FAM174B: variants seen among roughly 807,000 people sequenced by gnomAD.
FAM174B encodes the protein membrane protein FAM174B.
FAM174B carries 12 observed loss-of-function variants against 10.9 expected under a neutral mutation model. The ratio of observed to expected loss-of-function variants is 1.10; its 90% confidence interval spans 0.71 to 1.79. FAM174B has a LOEUF of 1.79. Ranked by LOEUF, FAM174B falls within the 40% of genes most tolerant of loss-of-function variation. FAM174B has a pLI of 0.00. For missense variants in FAM174B, 266 were observed against 233.3 expected, an observed-to-expected ratio of 1.14 and a Z score of -0.91; for synonymous variants, 132 against 115.8, an observed-to-expected ratio of 1.14 and a Z score of -0.90.
In FAM174B at chr15:92,621,802, C is replaced by T. The variant is rs541594423; in HGVS notation, c.477-2343G>A. 2.6e-5 allele frequency among the ~76,000 whole-genome samples: 4 copies of T among 152,094 alleles called. No individual in the cohort carries two copies. In the South Asian group the frequency reaches 6.2e-4, roughly 24 times the overall value. On this transcript the variant is annotated intron_variant, in intron 2 of 2. Transcript: ENST00000327355. ...GAGCTAACCTCACAAACCAACATCTCGGAGCCCAAGCACTCACACCCCCCA... is the reference window on the plus strand; with the variant it reads ...GAGCTAACCTCACAAACCAACATCTTGGAGCCCAAGCACTCACACCCCCCA...
At chr15:92,619,537 T>G in intron 2 of FAM174B, 78 bp from the exon 3 acceptor site, 790 of 1,487,364 alleles carry the variant, frequency 5.3e-4, no homozygotes, top group Non-Finnish European at 6.7e-4. Context: ...TGAACATCTC[T>G]ATCCCTCACC....
chr15:92,642,465 G>GT (rs1330443113), intron 1 of FAM174B, among the ~76,000 whole-genome samples: 1 of 152,206 alleles, frequency 6.6e-6, no homozygotes, highest in African/African-American at 2.4e-5. Flanking sequence ...TTGAATTGTA[G>GT]TTCCCATAAT....
At chr15:92,627,266 G>A (rs1276563714) in intron 2 of FAM174B, 1 of 156,384 alleles carries the variant, frequency 6.4e-6, no homozygotes, top group Non-Finnish European at 1.5e-5. Context: ...GGACTTATCT[G>A]TTAACTTTAA....
chr15:92,655,155 C>G, intron 1 of FAM174B, 161 bp downstream of exon 1: 2 of 1,044,700 alleles, frequency 1.9e-6, no homozygotes, highest in Non-Finnish European at 2.5e-6. Flanking sequence ...CGAGCACACC[C>G]CGGCCCCCCA....
intron 1 of FAM174B, among the ~76,000 whole-genome samples, chr15:92,637,204 G>A (rs1312201486): frequency 1.3e-5 from 2 of 152,228 alleles, no homozygotes; most frequent in South Asian, 2.1e-4. Context: ...CGACCAACCC[G>A]AGCCAATGAC....
chr15:92,627,208 G>A (rs1055410586), intron 2 of FAM174B: 2 of 152,702 alleles, frequency 1.3e-5, no homozygotes, highest in South Asian at 2.1e-4. Context: ...TTTTGCCCTC[G>A]CAACACGCCA....
In FAM174B at chr15:92,655,600, G is replaced by A. The variant is rs888617492; in HGVS notation, c.60C>T (p.Ala20=). The change falls in exon 1 of 3, where the codon GCC becomes GCT. Residue 20 remains alanine (A), a synonymous_variant. Transcript: ENST00000327355. ...LLPLLLLALL[A]APAARASRAE... is the part of the protein sequence containing the mutation. ...CTCTGCTGGCGCGGGCGGCGGGAGC[G>A]GCCAGGAGCGCGAGCAGCAGCAGCG... 7.8e-7 allele frequency: 1 copy of A among 1,281,208 alleles called. No individual in the cohort carries two copies. Among genetic ancestry groups the A allele is most frequent in the South Asian group, 2.9e-5 (1 of 34,226 alleles). 79.4% of individuals were successfully genotyped at this position (1,281,208 alleles called of 1,614,324 possible).
intron 1 of FAM174B, among the ~76,000 whole-genome samples, chr15:92,648,869 TATA>T (rs2050946449): frequency 6.6e-6 from 1 of 152,212 alleles, no homozygotes; most frequent in African/African-American, 2.4e-5. Context: ...TTAGATTAAG[TATA>T]GTTTATTTTT....
intron 1 of FAM174B, among the ~76,000 whole-genome samples, chr15:92,652,451 C>T (rs370204485): frequency 1.3e-5 from 2 of 152,264 alleles, no homozygotes; most frequent in African/African-American, 4.8e-5. Flanking sequence ...AAGCAGGAGG[C>T]GCACTGAGCA....
At chr15:92,630,717 T>C (rs1235111103) in intron 1 of FAM174B, among the ~76,000 whole-genome samples, 2 of 123,546 alleles carry the variant, frequency 1.6e-5, no homozygotes, top group South Asian at 2.3e-4. Flanking sequence ...TAATTATATA[T>C]TTTTTATATT....
intron 1 of FAM174B, among the ~76,000 whole-genome samples, chr15:92,641,623 T>TA (rs982288045): frequency 3.9e-5 from 6 of 152,212 alleles, no homozygotes; most frequent in Admixed American, 1.3e-4. Flanking sequence ...ATAAATCATC[T>TA]AAAAAAATTA....
intron 2 of FAM174B, among the ~76,000 whole-genome samples, chr15:92,621,395 T>C (rs564536133): frequency 4.6e-5 from 7 of 152,216 alleles, no homozygotes; most frequent in African/African-American, 1.7e-4. Context: ...GAGAATCGCT[T>C]GAACCCAGTA....
At chr15:92,621,473 A>G (rs550541462) in intron 2 of FAM174B, among the ~76,000 whole-genome samples, 5 of 152,172 alleles carry the variant, frequency 3.3e-5, no homozygotes, top group South Asian at 4.2e-4. Context: ...TTAGCTGGAC[A>G]TGGTGGCTTG....
intron 1 of FAM174B, among the ~76,000 whole-genome samples, chr15:92,652,466 C>T (rs550944943): frequency 2.6e-5 from 4 of 152,108 alleles, no homozygotes; most frequent in Admixed American, 6.6e-5. Flanking sequence ...TGAGCAGAGC[C>T]GAGATGGGGG....
rs62020342 is a variant in FAM174B at position 92,620,477 on chromosome 15, A to G, written c.477-1018T>C. Among the ~76,000 whole-genome samples, 620 of 149,560 alleles carry G rather than the reference A, an allele frequency of 4.1e-3. 2 individuals carry two copies. Among genetic ancestry groups the G allele is most frequent in the Middle Eastern group, 7.2e-3 (2 of 278 alleles). On this transcript the variant is annotated intron_variant, in intron 2 of 2. Coordinates refer to ENST00000327355, the MANE Select transcript of FAM174B (RefSeq NM_207446.3). ...CGCACCACTGCACTCCAGCCTGGGC[A>G]ACAGAGCAAGACTCCGTCTCAAAAA...
Position 92,641,989 on chromosome 15 carries a change from T to C in FAM174B, c.345-11644A>G, listed in dbSNP as rs981775624. Among the ~76,000 whole-genome samples the C allele has an allele frequency of 4.7e-4, 71 of 152,212 alleles. 1 individual carries two copies. Among genetic ancestry groups the C allele is most frequent in the African/African-American group, 1.7e-3 (69 of 41,516 alleles). ...AATAATAAAAAGACAAATAACCCAA[T>C]GTAAAATGGGCAAAAGACCTGAATA... On this transcript the variant is annotated intron_variant, in intron 1 of 2. Transcript: ENST00000327355.
At position 92,630,093 on chromosome 15, in the gene FAM174B, A is replaced by T. The variant is rs552131038; in HGVS notation, c.476+121T>A. On this transcript the variant is annotated intron_variant, in intron 2 of 2. Transcript: ENST00000327355. ...TCAGAGCAGGTCTCTCCACGTGCAGAACACCCCAGGACCCAACACTTCACT... is the reference window on the plus strand; with the variant it reads ...TCAGAGCAGGTCTCTCCACGTGCAGTACACCCCAGGACCCAACACTTCACT... The T allele has an allele frequency of 9.6e-5, 89 of 930,662 alleles. No individual in the cohort carries two copies. In the African/African-American group the frequency reaches 1.4e-3, roughly 15 times the overall value. The allele number at this position is 930,662 out of a possible 1,614,324, so 57.7% of individuals were successfully genotyped here.
At chr15:92,626,533 T>C (rs554076059) in intron 2 of FAM174B, among the ~76,000 whole-genome samples, 2 of 152,316 alleles carry the variant, frequency 1.3e-5, no homozygotes, top group East Asian at 3.9e-4. Flanking sequence ...AATCTGTTTT[T>C]GACACTGTCC....
intron 1 of FAM174B, among the ~76,000 whole-genome samples, chr15:92,643,344 ATGTG>A (rs61322216): frequency 0.016 from 2,227 of 138,160 alleles, 59 homozygotes; most frequent in African/African-American, 0.055. Flanking sequence ...TAGGGAAGGA[ATGTG>A]TGTGTGTGTG....
Sources: gnomAD v4.1 joint callset for allele counts (sites outside exome capture counted in the v4.1 genomes callset) on GRCh38, gnomAD v4.1.1 for gene constraint, MANE v1.5 for transcripts, NCBI Gene and HGNC (gene_info 2026-07-23, HGNC 2026-07-21) for gene names.